Variants in BTBD9 observed in about 807,000 individuals in gnomAD.
The protein encoded by BTBD9 is BTB/POZ domain-containing protein 9.
Under a neutral mutation model 64.3 loss-of-function variants are expected in BTBD9, and 49 were observed. The observed-to-expected ratio is 0.76, with a 90% CI of 0.61 to 0.97. The LOEUF (loss-of-function observed/expected upper bound fraction) is 0.97. Ranked by LOEUF, BTBD9 falls within the 50% of genes least tolerant of loss-of-function variation. The pLI is 0.00. For synonymous variants in BTBD9, 260 were observed against 274.7 expected, an observed-to-expected ratio of 0.95 and a Z score of 0.53; for missense variants, 598 against 762.1, an observed-to-expected ratio of 0.78 and a Z score of 2.53.
At chr6:38,487,293 G>C (rs1291678437) in intron 6 of BTBD9, among the ~76,000 whole-genome samples, 2 of 152,054 alleles carry the variant, frequency 1.3e-5, no homozygotes, top group African/African-American at 2.4e-5. Context: ...ACCTTAGGAG[G>C]GGGTGGGCTG....
chr6:38,342,495 C>T (rs1270878911), intron 7 of BTBD9, among the ~76,000 whole-genome samples: 1 of 144,940 alleles, frequency 6.9e-6, no homozygotes, highest in Non-Finnish European at 1.5e-5. Flanking sequence ...AAGATTGTGC[C>T]ACTGCACTCC....
chr6:38,458,711 C>T (rs570034212), intron 6 of BTBD9, among the ~76,000 whole-genome samples: 1 of 152,296 alleles, frequency 6.6e-6, no homozygotes, highest in African/African-American at 2.4e-5. Flanking sequence ...ACAACACACA[C>T]AAAATCTCAC....
intron 1 of BTBD9, among the ~76,000 whole-genome samples, chr6:38,613,607 C>T (rs1481092710): frequency 1.3e-5 from 2 of 151,680 alleles, no homozygotes; most frequent in African/African-American, 4.9e-5. Context: ...CTTTAAAAGA[C>T]AGAGTGAGAC....
At chr6:38,556,590 G>A (rs1775034286) in intron 6 of BTBD9, among the ~76,000 whole-genome samples, 1 of 149,914 alleles carries the variant, frequency 6.7e-6, no homozygotes, top group Non-Finnish European at 1.5e-5. Context: ...GATCACCCAG[G>A]AGTAAAAGTT....
chr6:38,178,062 G>T (rs537374917), intron 10 of BTBD9, among the ~76,000 whole-genome samples: 5 of 152,184 alleles, frequency 3.3e-5, no homozygotes, highest in Non-Finnish European at 5.9e-5. Flanking sequence ...TCAGAGCTGC[G>T]TCCCAGTCTG....
intron 1 of BTBD9, among the ~76,000 whole-genome samples, chr6:38,602,554 T>G (rs1777290576): frequency 6.6e-6 from 1 of 152,096 alleles, no homozygotes; most frequent in Non-Finnish European, 1.5e-5. Context: ...GTTAAGTCAC[T>G]AGACTGGGGC....
intron 6 of BTBD9, among the ~76,000 whole-genome samples, chr6:38,375,891 A>AAAAGAAAAGAAAG (rs1765659800): frequency 8.2e-6 from 1 of 122,260 alleles, no homozygotes; most frequent in East Asian, 2.3e-4. Context: ...AGAAAGAAAG[A>AAAAGAAAAGAAAG]AAAGAAAGAA....
At chr6:38,230,867 T>C (rs1763583093) in intron 9 of BTBD9, among the ~76,000 whole-genome samples, 1 of 152,222 alleles carries the variant, frequency 6.6e-6, no homozygotes, top group South Asian at 2.1e-4. Flanking sequence ...TAGCTGCTTC[T>C]TGCCTACCAC....
At chr6:38,473,153 A>G (rs1402478193) in intron 6 of BTBD9, among the ~76,000 whole-genome samples, 1 of 152,238 alleles carries the variant, frequency 6.6e-6, no homozygotes, top group Admixed American at 6.5e-5. Flanking sequence ...ACAGAATGCC[A>G]TGTCTTCAAG....
At chr6:38,587,471 T>C (rs1316013123) in intron 4 of BTBD9, 7 of 548,572 alleles carry the variant, frequency 1.3e-5, no homozygotes, top group Non-Finnish European at 2.5e-5. Flanking sequence ...AGGGGAAAAC[T>C]TCTGCGTAAT....
intron 9 of BTBD9, among the ~76,000 whole-genome samples, chr6:38,235,632 G>A (rs927128214): frequency 3.9e-5 from 6 of 152,144 alleles, no homozygotes; most frequent in African/African-American, 1.4e-4. Context: ...AATGTAGGGT[G>A]CACACCAGAT....
At chr6:38,224,414 TATG>T (rs1299660786) in intron 9 of BTBD9, among the ~76,000 whole-genome samples, 2 of 152,158 alleles carry the variant, frequency 1.3e-5, no homozygotes, top group African/African-American at 4.8e-5. Context: ...GCCATCTCAT[TATG>T]ATGAGAAAGG....
At chr6:38,578,730 C>T (rs1025341517) in intron 5 of BTBD9, among the ~76,000 whole-genome samples, 1 of 152,096 alleles carries the variant, frequency 6.6e-6, no homozygotes, top group Admixed American at 6.5e-5. Flanking sequence ...GCTTAAGATT[C>T]TGAATTTTTC....
chr6:38,334,811 C>T (rs964275311), intron 7 of BTBD9, among the ~76,000 whole-genome samples: 7 of 151,772 alleles, frequency 4.6e-5, no homozygotes, highest in Non-Finnish European at 8.8e-5. Flanking sequence ...AAAGTAAATC[C>T]TATAAAACAA....
At position 38,338,821 on chromosome 6, in the gene BTBD9, A is replaced by G. The variant is rs148331284; in HGVS notation, c.1264+6163T>C. Reference sequence around the variant, plus strand: ...TCATAAGAAGAGAAGAGCCATTTAAAAAAGAAAAAAGGGAATGCAAATGGC... The same window carrying G: ...TCATAAGAAGAGAAGAGCCATTTAAGAAAGAAAAAAGGGAATGCAAATGGC... On this transcript the variant is annotated intron_variant, in intron 7 of 10. Transcript: ENST00000481247. 4.4e-3 allele frequency among the ~76,000 whole-genome samples: 671 copies of G among 152,292 alleles called. 2 individuals carry two copies. The highest frequency in any genetic ancestry group is 0.031 in the Middle Eastern group (9 of 294).
At chr6:38,378,593 G>C (rs572863382) in intron 6 of BTBD9, among the ~76,000 whole-genome samples, 1 of 150,822 alleles carries the variant, frequency 6.6e-6, no homozygotes, top group Non-Finnish European at 1.5e-5. Context: ...GGCAGTAAAG[G>C]CCAGGTGCAG....
chr6:38,338,356 T>C (rs796564138), intron 7 of BTBD9, among the ~76,000 whole-genome samples: 10 of 152,286 alleles, frequency 6.6e-5, no homozygotes, highest in African/African-American at 2.2e-4. Context: ...TCTGGGATTT[T>C]CCATTTAATA....
chr6:38,328,699 G>C (rs187660724), intron 7 of BTBD9, among the ~76,000 whole-genome samples: 95 of 151,260 alleles, frequency 6.3e-4, no homozygotes, highest in African/African-American at 2.3e-3. Context: ...TGTAATCTCA[G>C]CACTTTGGGA....
At chr6:38,541,464 C>T (rs935758992) in intron 6 of BTBD9, among the ~76,000 whole-genome samples, 44 of 152,070 alleles carry the variant, frequency 2.9e-4, no homozygotes, top group African/African-American at 9.9e-4. Context: ...TCTGGCCAGG[C>T]GCAGTGGCTC....
Sources: gnomAD v4.1 joint callset for allele counts (sites outside exome capture counted in the v4.1 genomes callset) on GRCh38, gnomAD v4.1.1 for gene constraint, MANE v1.5 for transcripts, NCBI Gene and HGNC (gene_info 2026-07-23, HGNC 2026-07-21) for gene names.